Variants in SETDB2 observed in about 807,000 individuals in gnomAD.
The protein encoded by SETDB2 is SET domain bifurcated histone lysine methyltransferase 2, also known as histone-lysine N-methyltransferase SETDB2.
In SETDB2, 56 loss-of-function variants were observed where a neutral mutation model predicts 82.5. The observed-to-expected ratio is 0.68, with a 90% CI of 0.55 to 0.85. The LOEUF (loss-of-function observed/expected upper bound fraction) is 0.85. Ranked by LOEUF, SETDB2 falls within the 40% of genes least tolerant of loss-of-function variation. The pLI is 0.00. For synonymous variants in SETDB2, 272 were observed against 284.9 expected, an observed-to-expected ratio of 0.95 and a Z score of 0.46; for missense variants, 677 against 816.4, an observed-to-expected ratio of 0.83 and a Z score of 2.08.
At chr13:49,473,655 A>G (rs1958295312) in intron 5 of SETDB2, among the ~76,000 whole-genome samples, 1 of 152,136 alleles carries the variant, frequency 6.6e-6, no homozygotes, top group African/African-American at 2.4e-5. Context: ...TGGTTAAGTC[A>G]AGTTGAAAAG....
At chr13:49,474,811 G>A (rs1470793902) in intron 5 of SETDB2, among the ~76,000 whole-genome samples, 2 of 152,182 alleles carry the variant, frequency 1.3e-5, no homozygotes, top group African/African-American at 4.8e-5. Context: ...GCTGCATGTG[G>A]CTGTTTAAAT....
intron 4 of SETDB2, among the ~76,000 whole-genome samples, chr13:49,463,263 G>A (rs1481708796): frequency 3.9e-5 from 6 of 151,958 alleles, no homozygotes; most frequent in Non-Finnish European, 7.4e-5. Context: ...TGCCTGCCTC[G>A]GCCTCCCAAA....
At chr13:49,454,883 C>G (rs1027483144) in intron 2 of SETDB2, among the ~76,000 whole-genome samples, 5 of 151,674 alleles carry the variant, frequency 3.3e-5, no homozygotes, top group African/African-American at 9.7e-5. Flanking sequence ...TTTTTGGTCT[C>G]AGGATGACTT....
intron 12 of SETDB2, among the ~76,000 whole-genome samples, chr13:49,490,078 A>G (rs1958681163): frequency 6.6e-6 from 1 of 150,398 alleles, no homozygotes; most frequent in South Asian, 2.1e-4. Context: ...GGAGTTTGAG[A>G]CCAGCCTGGC....
At chr13:49,485,862 GA>G in intron 11 of SETDB2, 139 bp downstream of exon 11, 1 of 856,954 alleles carries the variant, frequency 1.2e-6, no homozygotes. Context: ...GTCTACATAA[GA>G]GATCAGCAAA....
intron 4 of SETDB2, among the ~76,000 whole-genome samples, chr13:49,466,285 ATCAG>A (rs559085163): frequency 1.3e-4 from 20 of 152,210 alleles, no homozygotes; most frequent in Admixed American, 1.2e-3. Context: ...AATTTTAAAA[ATCAG>A]TCAGGTGTGG....
chr13:49,482,902 G>C lies in SETDB2; in HGVS notation c.1322G>C (p.Arg441Thr), dbSNP rs1447645771. The C allele has an allele frequency of 6.2e-7, 1 of 1,613,308 alleles. No individual in the cohort carries two copies. Among genetic ancestry groups the C allele is most frequent in the African/African-American group, 1.3e-5 (1 of 74,910 alleles). ...VLPLGLETHP[R>T]TAKTEKCPPK... The stretch of plus-strand genomic sequence containing the variant: ...CCATTAGGATTGGAAACACATCCTA[G>C]AACTGCTAAAACTGAGAAATGTCCA... The change falls in exon 9 of 14, where the codon AGA becomes ACA. Residue 441 changes from arginine (R) to threonine (T), a missense_variant. Transcript: ENST00000611815.
chr13:49,490,833 C>G lies in SETDB2; in HGVS notation c.1929C>G (p.Cys643Trp), dbSNP rs767290622. The G allele has an allele frequency of 9.9e-6, 16 of 1,610,170 alleles. No individual in the cohort carries two copies. The highest frequency in any genetic ancestry group is 1.4e-5 in the Non-Finnish European group (16 of 1,177,440). Residue 643 changes from cysteine to tryptophan, a missense_variant, in exon 13 of 14, where the codon TGC becomes TGG. By Grantham distance (215) the Cys-to-Trp change is radical (BLOSUM62 -2). Coordinates refer to ENST00000611815, the MANE Select transcript of SETDB2 (RefSeq NM_001160308.3). ...NVGRFLNHSC[C>W]PNLLVQNVFV... ...TTTTTATTTAACAGCATAGTTGTTG[C>G]CCAAATCTCTTGGTACAGAATGTTT...
At chr13:49,445,369 C>T (rs1957648203) in intron 1 of SETDB2, among the ~76,000 whole-genome samples, 1 of 151,918 alleles carries the variant, frequency 6.6e-6, no homozygotes, top group Non-Finnish European at 1.5e-5. Flanking sequence ...GTTTTAGAAA[C>T]GAAAAGGAAC....
In SETDB2 at chr13:49,476,668, A is replaced by C. The variant is rs370561841; in HGVS notation, c.498A>C (p.Ala166=). Reference sequence around the variant, plus strand: ...AATGTCACTTCCAAAGACGACATGCAAAGACAAACTCTCATTCTTCAGCAC... The same window carrying C: ...AATGTCACTTCCAAAGACGACATGCCAAGACAAACTCTCATTCTTCAGCAC... ...PIKCHFQRRH[A]KTNSHSSALH... The change falls in exon 6 of 14, where the codon GCA becomes GCC. Residue 166 remains alanine (A), a synonymous_variant. Transcript: ENST00000611815. 1.9e-6 allele frequency: 3 copies of C among 1,614,220 alleles called. No homozygotes were observed. Among genetic ancestry groups the C allele is most frequent in the Non-Finnish European group, 2.5e-6 (3 of 1,180,044 alleles).
intron 1 of SETDB2, among the ~76,000 whole-genome samples, chr13:49,451,167 T>C (rs897531408): frequency 3.3e-5 from 5 of 151,288 alleles, no homozygotes; most frequent in Admixed American, 2.0e-4. Context: ...ATAACAATAA[T>C]TGGTAGTATT....
At chr13:49,449,826 C>G (rs898523271) in intron 1 of SETDB2, among the ~76,000 whole-genome samples, 8 of 152,132 alleles carry the variant, frequency 5.3e-5, no homozygotes, top group Admixed American at 5.2e-4. Flanking sequence ...GTGTTTTACT[C>G]ATTTATTTGC....
rs565601562 is a variant in SETDB2, at chr13:49,491,091, A to G, written c.2006+181A>G. Among the ~76,000 whole-genome samples, 21 of 152,076 alleles carry G rather than the reference A, an allele frequency of 1.4e-4. No homozygotes were observed. In the South Asian group the frequency reaches 4.4e-3, roughly 32 times the overall value. On this transcript the variant is annotated intron_variant, in intron 13 of 13. Transcript: ENST00000611815. ...CACATGGCGAAACCCTGTCTTTACT[A>G]AAAAAAATAGAAAAAGTTCACCAGG...
intron 4 of SETDB2, among the ~76,000 whole-genome samples, chr13:49,463,381 G>A (rs1353074706): frequency 6.6e-6 from 1 of 152,092 alleles, no homozygotes; most frequent in Non-Finnish European, 1.5e-5. Context: ...GTGAATACAG[G>A]AGGATCTTTA....
At chr13:49,473,072 G>T (rs1207793060) in intron 5 of SETDB2, among the ~76,000 whole-genome samples, 1 of 152,152 alleles carries the variant, frequency 6.6e-6, no homozygotes, top group Non-Finnish European at 1.5e-5. Flanking sequence ...AGGAAATTAT[G>T]TAAAGGACAT....
At chr13:49,482,174 A>G in intron 8 of SETDB2, 1 of 985,436 alleles carries the variant, frequency 1.0e-6, no homozygotes, top group Non-Finnish European at 1.2e-6. Context: ...TGTAACTAAG[A>G]TATGTCTCCG....
At chr13:49,457,484 A>G (rs1957910403) in intron 2 of SETDB2, among the ~76,000 whole-genome samples, 1 of 140,508 alleles carries the variant, frequency 7.1e-6, no homozygotes, top group African/African-American at 2.7e-5. Context: ...CCCAGGCTGG[A>G]GTGCAGTGGC....
At chr13:49,487,478 G>T (rs1958620141) in intron 11 of SETDB2, among the ~76,000 whole-genome samples, 2 of 152,070 alleles carry the variant, frequency 1.3e-5, no homozygotes, top group Admixed American at 1.3e-4. Context: ...CAGGACTACA[G>T]GCACACACCC....
intron 5 of SETDB2, among the ~76,000 whole-genome samples, chr13:49,473,632 A>T (rs1399495157): frequency 6.6e-6 from 1 of 152,076 alleles, no homozygotes; most frequent in Non-Finnish European, 1.5e-5. Context: ...ATCCAGTTTG[A>T]AACATATTTA....
Sources: gnomAD v4.1 joint callset for allele counts (sites outside exome capture counted in the v4.1 genomes callset) on GRCh38, gnomAD v4.1.1 for gene constraint, MANE v1.5 for transcripts, NCBI Gene and HGNC (gene_info 2026-07-23, HGNC 2026-07-21) for gene names.